Variants in PARP8 observed in about 807,000 individuals in gnomAD.
The protein encoded by PARP8 is protein mono-ADP-ribosyltransferase PARP8.
A neutral mutation model predicts 124.1 loss-of-function variants in PARP8; 51 were observed. The observed-to-expected ratio is 0.41, with a 90% CI of 0.33 to 0.52. The LOEUF (loss-of-function observed/expected upper bound fraction) is 0.52. Among genes scored for constraint, PARP8 ranks in the 20% least tolerant of loss-of-function variants. PARP8 has a pLI of 0.21. For synonymous variants in PARP8, 391 were observed against 361.5 expected (o/e 1.08, Z -0.93); for missense variants, 860 against 1,018.9 (o/e 0.84, Z 2.12).
At position 50,808,587 on chromosome 5, in the gene PARP8, G is replaced by A. The variant is rs527851981; in HGVS notation, c.1576-6845G>A. On this transcript the variant is annotated intron_variant, in intron 14 of 25. Coordinates refer to ENST00000281631, the MANE Select transcript of PARP8 (RefSeq NM_024615.4). ...AGGGAGGCCATCTGGGGAGATGTGT[G>A]ACCTTCTATTGTTGTGGAAACCTGT... Among the ~76,000 whole-genome samples, 23 of 152,100 alleles carry A rather than the reference G, an allele frequency of 1.5e-4. No individual in the cohort carries two copies. The East Asian group carries it at 1.7e-3, about 12-fold the overall frequency.
chr5:50,811,353 CTTGT>C (rs1465322924), intron 14 of PARP8, among the ~76,000 whole-genome samples: 1 of 151,194 alleles, frequency 6.6e-6, no homozygotes, highest in African/African-American at 2.4e-5. Context: ...TGAAATTTTG[CTTGT>C]TTGTTATTCG....
At chr5:50,672,716 G>C (rs1750170460) in intron 2 of PARP8, among the ~76,000 whole-genome samples, 1 of 152,050 alleles carries the variant, frequency 6.6e-6, no homozygotes, top group Admixed American at 6.6e-5. Context: ...ACTTTCTAGG[G>C]GCCCTAATCC....
In PARP8 at chr5:50,795,148, C is replaced by T. The variant is rs1742392418; in HGVS notation, c.1159C>T (p.Arg387Ter). 1.9e-6 allele frequency: 3 copies of T among 1,614,190 alleles called. No individual in the cohort carries two copies. Among genetic ancestry groups the T allele is most frequent in the Non-Finnish European group, 2.5e-6 (3 of 1,180,030 alleles). ...TCTAAAGTCGCATAGACTATTGACTCGATCTTGTTCTGGAGATCCACGATG... is the reference window on the plus strand; with the variant it reads ...TCTAAAGTCGCATAGACTATTGACTTGATCTTGTTCTGGAGATCCACGATG... ...LTLKSHRLLT[R>*]SCSGDPRCEH... is the part of the protein sequence containing the mutation. The change falls in exon 12 of 26, where the codon CGA becomes TGA. Residue 387 changes from arginine to a stop codon, truncating the protein, a stop_gained. Transcript: ENST00000281631. LOFTEE classifies it high-confidence loss of function.
chr5:50,770,050 G>A (rs912152470), intron 7 of PARP8, among the ~76,000 whole-genome samples: 9 of 151,762 alleles, frequency 5.9e-5, no homozygotes, highest in African/African-American at 1.5e-4. Flanking sequence ...TTTAGCTTCC[G>A]TGCTTTTTTG....
chr5:50,830,904 G>T (rs1746895070), intron 22 of PARP8, among the ~76,000 whole-genome samples: 2 of 152,046 alleles, frequency 1.3e-5, no homozygotes, highest in Admixed American at 6.6e-5. Flanking sequence ...TGCCTGAATG[G>T]TGAGTCTTAA....
In PARP8 at chr5:50,667,153, A is replaced by C. The variant is rs761537611; in HGVS notation, c.58A>C (p.Lys20Gln). The change falls in exon 1 of 26, where the codon AAG becomes CAG. Residue 20 changes from lysine (K) to glutamine (Q), a missense_variant. Physicochemically the swap from Lys to Gln is moderately conservative, Grantham distance 53. Transcript: ENST00000281631. ...IQKDIDVVIQ[K>Q]SRAEKDCLFA... ...GAAGGATATCGACGTCGTGATCCAG[A>C]AGTCCAGAGCTGAGAAGGACTGCCT... 6.3e-7 allele frequency: 1 copy of C among 1,596,364 alleles called. No individual in the cohort carries two copies. Among genetic ancestry groups the C allele is most frequent in the Non-Finnish European group, 8.5e-7 (1 of 1,179,748 alleles).
Position 50,839,872 on chromosome 5 carries a change from C to T in PARP8, c.2463-2094C>T, listed in dbSNP as rs539305283. On this transcript the variant is annotated intron_variant, in intron 25 of 25. Coordinates refer to ENST00000281631, the MANE Select transcript of PARP8 (RefSeq NM_024615.4). ...TATTTGGGTAGACAAACCCTTCCAT[C>T]TGACTGAAAAGAGTGATGGGGGAGT... Among the ~76,000 whole-genome samples, 25 of 152,048 alleles carry T rather than the reference C, an allele frequency of 1.6e-4. No homozygotes were observed. The East Asian group carries it at 3.3e-3, about 20-fold the overall frequency.
At chr5:50,694,992 G>A (rs1349199826) in intron 2 of PARP8, among the ~76,000 whole-genome samples, 4 of 152,128 alleles carry the variant, frequency 2.6e-5, no homozygotes, top group Admixed American at 2.0e-4. Context: ...TCAGCAAGTC[G>A]GCTTTGTTCT....
intron 14 of PARP8, among the ~76,000 whole-genome samples, chr5:50,800,025 A>G (rs187524100): frequency 6.6e-6 from 1 of 152,362 alleles, no homozygotes; most frequent in Non-Finnish European, 1.5e-5. Flanking sequence ...CAGCCGGAAT[A>G]GACCAAGACA....
At chr5:50,729,849 A>G (rs1756804100) in intron 2 of PARP8, among the ~76,000 whole-genome samples, 1 of 152,196 alleles carries the variant, frequency 6.6e-6, no homozygotes, top group South Asian at 2.1e-4. Context: ...AAAAAAGTAT[A>G]CATTAGGACT....
At chr5:50,774,268 C>G (rs947564026) in intron 7 of PARP8, among the ~76,000 whole-genome samples, 3 of 152,154 alleles carry the variant, frequency 2.0e-5, no homozygotes, top group African/African-American at 7.2e-5. Flanking sequence ...AATCTGATCT[C>G]TCTTCCTTTT....
intron 2 of PARP8, among the ~76,000 whole-genome samples, chr5:50,704,821 C>T (rs1192689093): frequency 6.6e-6 from 1 of 152,156 alleles, no homozygotes; most frequent in Non-Finnish European, 1.5e-5. Flanking sequence ...TTCTTTTGGA[C>T]AGTACTGCTT....
At chr5:50,819,541 A>G (rs576380962) in intron 15 of PARP8, among the ~76,000 whole-genome samples, 154 of 145,672 alleles carry the variant, frequency 1.1e-3, no homozygotes, top group African/African-American at 4.0e-3. Context: ...CCCGGGTTCA[A>G]GCAGTACTCC....
At chr5:50,669,222 A>G (rs1274880927) in intron 2 of PARP8, 2 of 152,236 alleles carry the variant, frequency 1.3e-5, no homozygotes, top group Non-Finnish European at 2.9e-5. Flanking sequence ...ACTTAAGTGT[A>G]TACTTTTTGG....
intron 9 of PARP8, among the ~76,000 whole-genome samples, chr5:50,786,885 T>A (rs979879201): frequency 1.3e-5 from 2 of 152,172 alleles, no homozygotes; most frequent in African/African-American, 4.8e-5. Flanking sequence ...TTTAGTACAT[T>A]CCTCTCACCT....
At chr5:50,749,916 A>G (rs113541165) in intron 2 of PARP8, among the ~76,000 whole-genome samples, 6 of 152,284 alleles carry the variant, frequency 3.9e-5, no homozygotes, top group Admixed American at 1.3e-4. Flanking sequence ...TGGGAGAAAG[A>G]TATTTCAAAA....
At chr5:50,668,043 T>G (rs1352854405) in intron 1 of PARP8, 28 bp from the exon 2 acceptor site, 2 of 1,612,000 alleles carry the variant, frequency 1.2e-6, no homozygotes, top group Non-Finnish European at 1.7e-6. Context: ...ACTCCAGGGG[T>G]AGCTTTTGAC....
At chr5:50,693,942 C>G (rs1752764891) in intron 2 of PARP8, among the ~76,000 whole-genome samples, 1 of 151,984 alleles carries the variant, frequency 6.6e-6, no homozygotes, top group African/African-American at 2.4e-5. Flanking sequence ...TTTGCTTTCT[C>G]TCACTCTCAT....
chr5:50,745,736 A>G (rs1308932558), intron 2 of PARP8, among the ~76,000 whole-genome samples: 4 of 152,240 alleles, frequency 2.6e-5, no homozygotes, highest in Non-Finnish European at 4.4e-5. Context: ...AGTACTGAGT[A>G]TAATCTCTGG....
Sources: gnomAD v4.1 joint callset for allele counts (sites outside exome capture counted in the v4.1 genomes callset) on GRCh38, gnomAD v4.1.1 for gene constraint, MANE v1.5 for transcripts, NCBI Gene and HGNC (gene_info 2026-07-23, HGNC 2026-07-21) for gene names.